Variants in SUGP2 observed in about 807,000 individuals in gnomAD.
SUGP2 encodes SURP and G-patch domain-containing protein 2.
In SUGP2, 24 loss-of-function variants were observed where a neutral mutation model predicts 90.5. The ratio of observed to expected loss-of-function variants is 0.27; its 90% CI spans 0.19 to 0.37. The LOEUF is 0.37. Among genes scored for constraint, SUGP2 ranks in the 10% least tolerant of loss-of-function variants. SUGP2 has a pLI of 1.00. For synonymous variants in SUGP2, 473 were observed against 513.4 expected (o/e 0.92, Z 1.06); for missense variants, 1,233 against 1,363.3 (o/e 0.90, Z 1.51).
At position 19,010,271 on chromosome 19, in the gene SUGP2, C is replaced by T; in HGVS notation, c.1922G>A (p.Ser641Asn). 1 of 1,614,110 alleles carries T rather than the reference C, an allele frequency of 6.2e-7. No homozygotes were observed. The highest frequency in any genetic ancestry group is 1.6e-4 in the Middle Eastern group (1 of 6,062). The change falls in exon 5 of 11, where the codon AGC (serine) becomes AAC (asparagine). Residue 641 changes from serine (S) to asparagine (N), a missense_variant. Ser to Asn is a conservative substitution (Grantham distance 46). Around this residue, in one of 8 missense-constraint regions of SUGP2, gnomAD observed 540 missense variants for 542.6 expected, o/e 1.00. Transcript: ENST00000452918. ...KLKLAEMQRM[S>N]ENLRGADQKP... Reference sequence around the variant, plus strand: ...CTGGTCGGCTCCTCGCAAGTTCTCGCTCATCCGCTGCATTTCTGCCAACTT... The same window carrying T: ...CTGGTCGGCTCCTCGCAAGTTCTCGTTCATCCGCTGCATTTCTGCCAACTT...
In SUGP2 at chr19:19,004,638, T is replaced by C. The variant is rs1292917463; in HGVS notation, c.2459A>G (p.His820Arg). Reference protein sequence around the residue: ...STDNPDLWFLHDQNSSAFKFY... With the variant: ...STDNPDLWFLRDQNSSAFKFY... ...TTTGAAAGCAGAACTATTTTGGTCA[T>C]GTAGAAACCTGGGGCACAGAGGAAA... Residue 820 changes from histidine to arginine, a missense_variant, in exon 7 of 11, where the codon CAT becomes CGT. Physicochemically the swap from His to Arg is conservative, Grantham distance 29 (BLOSUM62 0). Around this residue, in one of 8 missense-constraint regions of SUGP2, gnomAD observed 540 missense variants for 542.6 expected, o/e 1.00. Coordinates refer to ENST00000452918, the MANE Select transcript of SUGP2 (RefSeq NM_001017392.5). 6.2e-7 allele frequency: 1 copy of C among 1,601,762 alleles called. No homozygotes were observed. The highest frequency in any genetic ancestry group is 8.5e-7 in the Non-Finnish European group (1 of 1,172,296).
intron 3 of SUGP2, among the ~76,000 whole-genome samples, chr19:19,020,682 C>CGG (rs1038263535): frequency 9.9e-5 from 15 of 151,782 alleles, no homozygotes; most frequent in Admixed American, 9.2e-4. Context: ...AAGAGATCCA[C>CGG]CCTCCTTTAC....
At chr19:19,011,776 C>T (rs981065982) in intron 4 of SUGP2, among the ~76,000 whole-genome samples, 6 of 152,208 alleles carry the variant, frequency 3.9e-5, no homozygotes, top group Admixed American at 2.0e-4. Context: ...GCAGGTGGGT[C>T]GCTTGAGCCC....
At position 19,009,940 on chromosome 19, in the gene SUGP2, T is replaced by C. The variant is rs1484829015; in HGVS notation, c.2253A>G (p.Leu751=). The part of the protein sequence containing the change: ...PVGPSPQDPS[L]EASGPSPKPA... ...GCTTGGGGGATGGGCCTGAGGCTTC[T>C]AAGCTGGGGTCCTGAGGAGAAGGTC... Residue 751 remains leucine, a synonymous_variant, in exon 5 of 11, where the codon TTA becomes TTG. Coordinates refer to ENST00000452918, the MANE Select transcript of SUGP2 (RefSeq NM_001017392.5). 1.9e-6 allele frequency: 3 copies of C among 1,614,166 alleles called. No individual in the cohort carries two copies. Among genetic ancestry groups the C allele is most frequent in the South Asian group, 1.1e-5 (1 of 91,088 alleles).
chr19:19,004,812 T>TA (rs1470152897), intron 6 of SUGP2, among the ~76,000 whole-genome samples, 166 bp from the exon 7 acceptor site: 1 of 152,062 alleles, frequency 6.6e-6, no homozygotes, highest in Non-Finnish European at 1.5e-5. Context: ...CTCTCAATGA[T>TA]AGAAAATTTG....
At chr19:18,997,160 C>T (rs1201907332) in intron 8 of SUGP2, among the ~76,000 whole-genome samples, 2 of 152,082 alleles carry the variant, frequency 1.3e-5, no homozygotes, top group African/African-American at 2.4e-5. Context: ...AAGACAAATC[C>T]CCCCCTTGCC....
At chr19:19,032,874 G>A (rs1198008630) in intron 1 of SUGP2, among the ~76,000 whole-genome samples, 1 of 152,264 alleles carries the variant, frequency 6.6e-6, no homozygotes, top group Non-Finnish European at 1.5e-5. Flanking sequence ...AACCCGTAGG[G>A]TCCATTTCCC....
At chr19:19,022,142 G>A (rs558300963) in intron 3 of SUGP2, among the ~76,000 whole-genome samples, 38 of 151,862 alleles carry the variant, frequency 2.5e-4, no homozygotes, top group East Asian at 5.8e-4. Context: ...ATGCCACCAC[G>A]CCCGACTAAT....
rs2057339164 is a variant in SUGP2, at chr19:18,991,032, A to C, written c.*2709T>G. On this transcript the variant is annotated 3_prime_UTR_variant, in exon 11 of 11. Coordinates refer to ENST00000452918, the MANE Select transcript of SUGP2 (RefSeq NM_001017392.5). ...TTCTAGGCTTTATCAAGGACCAAAA[A>C]CACTACAATTCTCTAAGTGATTTCC... 6.6e-6 allele frequency: 1 copy of C among 152,160 alleles called. No individual in the cohort carries two copies. 9.4% of individuals were successfully genotyped at this position (152,160 alleles called of 1,614,324 possible). A position where few individuals can be genotyped will look rare whatever the true frequency, so the allele number is the denominator to read the frequency against.
intron 1 of SUGP2, among the ~76,000 whole-genome samples, chr19:19,031,704 G>T (rs1172504509): frequency 6.9e-6 from 1 of 145,722 alleles, no homozygotes; most frequent in Non-Finnish European, 1.5e-5. Context: ...CTGTCTCAAA[G>T]AAAAAAAAAA....
At chr19:19,014,666 TG>T (rs944859412) in intron 4 of SUGP2, among the ~76,000 whole-genome samples, 2 of 148,756 alleles carry the variant, frequency 1.3e-5, no homozygotes, top group African/African-American at 4.9e-5. Context: ...CTGAATGCGG[TG>T]GTGTACTCCT....
rs770798103 is a variant in SUGP2, at chr19:19,019,192, G to A, written c.1767C>T (p.Thr589=). Residue 589 remains threonine (T), a synonymous_variant, in exon 4 of 11, where the codon ACC becomes ACT. Transcript: ENST00000452918. ...TGACACGTTTCACAAGCTGGTCGAT[G>A]GTGCCCACTACCCTGTGATCTGCTC... ...PQRADHRVVG[T]IDQLVKRVIE... The A allele has an allele frequency of 2.2e-5, 35 of 1,614,020 alleles. No individual in the cohort carries two copies. In the Admixed American group the frequency reaches 3.3e-4, roughly 15 times the overall value.
chr19:19,027,209 C>T (rs868352363), intron 2 of SUGP2, among the ~76,000 whole-genome samples: 4 of 152,162 alleles, frequency 2.6e-5, no homozygotes, highest in African/African-American at 4.8e-5. Context: ...AAGTGAACTA[C>T]GGGCATATGA....
At position 19,025,588 on chromosome 19, in the gene SUGP2, T is replaced by C. The variant is rs370564713; in HGVS notation, c.760A>G (p.Lys254Glu). 13 of 1,613,976 alleles carry C rather than the reference T, an allele frequency of 8.1e-6. No homozygotes were observed. Among genetic ancestry groups the C allele is most frequent in the Non-Finnish European group, 1.0e-5 (12 of 1,180,034 alleles). The part of the protein sequence containing the change: ...LVTLRNVSTK[K>E]IPTVNRITPK... ...GTAATACGATTCACGGTGGGTATTT[T>C]TTTTGTGCTCACATTTCTCAATGTG... Residue 254 changes from lysine (K) to glutamate (E), a missense_variant, in exon 3 of 11, where the codon AAA becomes GAA. Coordinates refer to ENST00000452918, the MANE Select transcript of SUGP2 (RefSeq NM_001017392.5).
At position 18,993,542 on chromosome 19, in the gene SUGP2, A is replaced by G. The variant is rs758493138; in HGVS notation, c.*199T>C. Reference sequence around the variant, plus strand: ...GAACAGAGAGGAGAGGCAAAAGCACATTGAAAATGGTGCATGTTTTTTTCT... The same window carrying G: ...GAACAGAGAGGAGAGGCAAAAGCACGTTGAAAATGGTGCATGTTTTTTTCT... On this transcript the variant is annotated 3_prime_UTR_variant, in exon 11 of 11. Coordinates refer to ENST00000452918, the MANE Select transcript of SUGP2 (RefSeq NM_001017392.5). 2.6e-5 allele frequency: 4 copies of G among 152,572 alleles called. No homozygotes were observed. Among genetic ancestry groups the G allele is most frequent in the African/African-American group, 9.7e-5 (4 of 41,446 alleles). The allele number at this position is 152,572 out of a possible 1,614,324, so 9.5% of individuals were successfully genotyped here.
Position 19,019,218 on chromosome 19 carries a change from G to A in SUGP2, c.1741C>T (p.Arg581Ter). 6.2e-7 allele frequency: 1 copy of A among 1,613,052 alleles called. No homozygotes were observed. The highest frequency in any genetic ancestry group is 8.5e-7 in the Non-Finnish European group (1 of 1,179,174). Residue 581 changes from arginine to a stop codon, truncating the protein, a stop_gained, in exon 4 of 11, where the codon CGA (arginine) becomes TGA (stop). Transcript: ENST00000452918. LOFTEE classifies it high-confidence loss of function. ...GTGCCCACTACCCTGTGATCTGCTCGCTGGGGGACAGCTGGAACACACAGA... is the reference window on the plus strand; with the variant it reads ...GTGCCCACTACCCTGTGATCTGCTCACTGGGGGACAGCTGGAACACACAGA... ...PSSLSDAVPQ[R>*]ADHRVVGTID...
chr19:19,008,060 C>T (rs2058157039), intron 6 of SUGP2, among the ~76,000 whole-genome samples: 1 of 152,108 alleles, frequency 6.6e-6, no homozygotes, highest in Non-Finnish European at 1.5e-5. Context: ...TGACTTACTC[C>T]TGGTATAACC....
chr19:19,000,951 C>CAA (rs2057805817), intron 8 of SUGP2, among the ~76,000 whole-genome samples: 2 of 152,096 alleles, frequency 1.3e-5, no homozygotes, highest in African/African-American at 4.8e-5. Flanking sequence ...GCGATCTGCC[C>CAA]ACTTTGGCCT....
At position 19,025,567 on chromosome 19, in the gene SUGP2, T is replaced by C; in HGVS notation, c.781A>G (p.Ile261Val). The C allele has an allele frequency of 6.2e-7, 1 of 1,614,090 alleles. No individual in the cohort carries two copies. Among genetic ancestry groups the C allele is most frequent in the South Asian group, 1.1e-5 (1 of 91,080 alleles). ...TTAGTGCCCTGAGTTTTGGGAGTAATACGATTCACGGTGGGTATTTTTTTT... is the reference window on the plus strand; with the variant it reads ...TTAGTGCCCTGAGTTTTGGGAGTAACACGATTCACGGTGGGTATTTTTTTT... ...STKKIPTVNR[I>V]TPKTQGTNQI... is the part of the protein sequence containing the mutation. Residue 261 changes from isoleucine to valine, a missense_variant, in exon 3 of 11, where the codon ATT becomes GTT. This residue lies in a region of SUGP2 where 418 missense variants were observed against 399.9 expected (regional missense o/e 1.05). Coordinates refer to ENST00000452918, the MANE Select transcript of SUGP2 (RefSeq NM_001017392.5).
Sources: gnomAD v4.1 joint callset for allele counts (sites outside exome capture counted in the v4.1 genomes callset) on GRCh38, gnomAD v4.1.1 for gene constraint, gnomAD v4.1.1 regional missense constraint, MANE v1.5 for transcripts, NCBI Gene and HGNC (gene_info 2026-07-23, HGNC 2026-07-21) for gene names.